Variants in RABGAP1L observed in about 807,000 individuals in gnomAD.
RABGAP1L encodes rab GTPase-activating protein 1-like.
Under a neutral mutation model 137.7 loss-of-function variants are expected in RABGAP1L, and 63 were observed. The observed-to-expected ratio is 0.46, with a 90% CI of 0.37 to 0.56. The LOEUF is 0.56. Among genes scored for constraint, RABGAP1L ranks in the 20% least tolerant of loss-of-function variants. RABGAP1L has a pLI of 0.00. For missense variants in RABGAP1L, 1,095 were observed against 1,244.0 expected, an observed-to-expected ratio of 0.88 and a Z score of 1.80; for synonymous variants, 431 against 433.7, an observed-to-expected ratio of 0.99 and a Z score of 0.08.
At chr1:174,710,805 A>G (rs1680426153) in intron 17 of RABGAP1L, among the ~76,000 whole-genome samples, 1 of 152,248 alleles carries the variant, frequency 6.6e-6, no homozygotes, top group African/African-American at 2.4e-5. Context: ...GACAGTATCA[A>G]ATTCACACAT....
intron 19 of RABGAP1L, among the ~76,000 whole-genome samples, chr1:174,878,257 G>A (rs1247334647): frequency 2.0e-5 from 3 of 151,952 alleles, no homozygotes; most frequent in South Asian, 2.1e-4. Context: ...ATGGAGTTTC[G>A]CTCCTATTGC....
intron 14 of RABGAP1L, among the ~76,000 whole-genome samples, chr1:174,663,373 G>C (rs1351957082): frequency 2.0e-5 from 3 of 152,144 alleles, no homozygotes; most frequent in African/African-American, 7.2e-5. Flanking sequence ...CTACTATTCA[G>C]TCCATAAGAC....
At chr1:174,958,179 T>C (rs927036345) in intron 20 of RABGAP1L, 2 of 1,416,798 alleles carry the variant, frequency 1.4e-6, no homozygotes, top group Non-Finnish European at 1.9e-6. Flanking sequence ...CAAAGGTATA[T>C]TGAGCACAGT....
chr1:174,494,031 C>CT (rs1459321167), intron 13 of RABGAP1L, among the ~76,000 whole-genome samples: 1 of 152,062 alleles, frequency 6.6e-6, no homozygotes, highest in Non-Finnish European at 1.5e-5. Context: ...TTTTTTCTGA[C>CT]TTTCCTTCTT....
intron 13 of RABGAP1L, among the ~76,000 whole-genome samples, chr1:174,571,233 A>C (rs1046626537): frequency 2.0e-5 from 3 of 152,152 alleles, no homozygotes; most frequent in Non-Finnish European, 4.4e-5. Context: ...AATTGAACTC[A>C]TAGAGAGAGA....
In RABGAP1L at chr1:174,854,734, T is replaced by C. The variant is rs1446595061; in HGVS notation, c.2340+42774T>C. ...TAAATGCTTTTTTTTTTTTTTTTTTTTTTTTTTTTTTTTTTTTTTTTTTTT... is the reference window on the plus strand; with the variant it reads ...TAAATGCTTTTTTTTTTTTTTTTTTCTTTTTTTTTTTTTTTTTTTTTTTTT... On this transcript the variant is annotated intron_variant, in intron 19 of 25. Coordinates refer to ENST00000681986, the MANE Select transcript of RABGAP1L (RefSeq NM_001366446.1). Among the ~76,000 whole-genome samples, 7 of 65,396 alleles carry C rather than the reference T, an allele frequency of 1.1e-4. No homozygotes were observed. In the South Asian group the frequency reaches 4.5e-3, roughly 42 times the overall value. The allele number at this position is 65,396 out of a possible 152,430, so 42.9% of individuals were successfully genotyped here.
At chr1:174,446,333 T>G (rs919138665) in intron 13 of RABGAP1L, among the ~76,000 whole-genome samples, 1 of 152,330 alleles carries the variant, frequency 6.6e-6, no homozygotes, top group Admixed American at 6.5e-5. Flanking sequence ...ATGGCTATTA[T>G]AAAAGAAGAA....
intron 13 of RABGAP1L, among the ~76,000 whole-genome samples, chr1:174,472,123 CTG>C (rs1397500686): frequency 2.8e-4 from 43 of 152,320 alleles, no homozygotes; most frequent in African/African-American, 9.9e-4. Context: ...GCTTCTAAAA[CTG>C]TGAGAAGTAA....
At chr1:174,224,971 G>C (rs1429984771) in intron 3 of RABGAP1L, among the ~76,000 whole-genome samples, 1 of 151,604 alleles carries the variant, frequency 6.6e-6, no homozygotes, top group Non-Finnish European at 1.5e-5. Flanking sequence ...TCTTGAATCT[G>C]TAAATTTATA....
At chr1:174,350,616 C>T (rs1162345908) in intron 11 of RABGAP1L, among the ~76,000 whole-genome samples, 10 of 70,834 alleles carry the variant, frequency 1.4e-4, no homozygotes, top group Non-Finnish European at 2.5e-4. Context: ...ACTGGGCAGC[C>T]AGGCAGAGGG....
rs74540782 is a variant in RABGAP1L at position 174,777,141 on chromosome 1, T to C, written c.2211+24787T>C. 9.4e-3 allele frequency among the ~76,000 whole-genome samples: 1,437 copies of C among 152,336 alleles called. 23 individuals carry two copies. Among genetic ancestry groups the C allele is most frequent in the African/African-American group, 0.033 (1,379 of 41,566 alleles). On this transcript the variant is annotated intron_variant, in intron 18 of 25. Transcript: ENST00000681986. ...ACGTTTTAAGTTTTTATTTTGGCAGTAAATCAATTCTGGTTACCTATCCCA... is the reference window on the plus strand; with the variant it reads ...ACGTTTTAAGTTTTTATTTTGGCAGCAAATCAATTCTGGTTACCTATCCCA...
chr1:174,231,007 A>G (rs1032107094), intron 3 of RABGAP1L, 138 bp from the exon 4 acceptor site: 2 of 605,734 alleles, frequency 3.3e-6, no homozygotes, highest in Non-Finnish European at 2.8e-6. Flanking sequence ...CTAAAATTTT[A>G]AAATATAAAA....
At position 174,327,653 on chromosome 1, in the gene RABGAP1L, A is replaced by G. The variant is rs138112756; in HGVS notation, c.1465+22526A>G. On this transcript the variant is annotated intron_variant, in intron 11 of 25. Coordinates refer to ENST00000681986, the MANE Select transcript of RABGAP1L (RefSeq NM_001366446.1). ...AGCATCAAGTCTTTACCTATTAATAATTAACTTGAGTGTAAATTGATTAAA... is the reference window on the plus strand; with the variant it reads ...AGCATCAAGTCTTTACCTATTAATAGTTAACTTGAGTGTAAATTGATTAAA... Among the ~76,000 whole-genome samples, 5 of 152,112 alleles carry G rather than the reference A, an allele frequency of 3.3e-5. No homozygotes were observed. In the East Asian group the frequency reaches 9.7e-4, roughly 29 times the overall value.
At chr1:174,205,403 A>G (rs184743775) in intron 1 of RABGAP1L, among the ~76,000 whole-genome samples, 21 of 151,932 alleles carry the variant, frequency 1.4e-4, no homozygotes, top group Admixed American at 1.4e-3. Flanking sequence ...TCAGCTGTGA[A>G]TCCATCAGGT....
chr1:174,806,841 A>C (rs1239012825), intron 18 of RABGAP1L, among the ~76,000 whole-genome samples: 1 of 152,230 alleles, frequency 6.6e-6, no homozygotes, highest in Non-Finnish European at 1.5e-5. Flanking sequence ...GCTGGAGTAC[A>C]GTGGTGCAAT....
rs74905386 is a variant in RABGAP1L, at chr1:174,880,273, A to G, written c.2340+68313A>G. 5.7e-3 allele frequency among the ~76,000 whole-genome samples: 875 copies of G among 152,244 alleles called. 8 individuals carry two copies. The highest frequency in any genetic ancestry group is 0.02 in the African/African-American group (833 of 41,552). ...AGGATAGGATAATCCACGGTTGTAG[A>G]TAATCTTTAAATTTTATTTTAGTCA... On this transcript the variant is annotated intron_variant, in intron 19 of 25. Coordinates refer to ENST00000681986, the MANE Select transcript of RABGAP1L (RefSeq NM_001366446.1).
intron 14 of RABGAP1L, among the ~76,000 whole-genome samples, chr1:174,676,495 GT>G (rs1261171488): frequency 6.6e-6 from 1 of 152,146 alleles, no homozygotes; most frequent in Non-Finnish European, 1.5e-5. Flanking sequence ...GCAAACTGAA[GT>G]TTTCCCTGGA....
intron 13 of RABGAP1L, among the ~76,000 whole-genome samples, chr1:174,537,479 G>A (rs900395812): frequency 6.6e-6 from 1 of 152,160 alleles, no homozygotes; most frequent in Non-Finnish European, 1.5e-5. Flanking sequence ...TGTGGATATT[G>A]GTAAAAGGTC....
intron 1 of RABGAP1L, among the ~76,000 whole-genome samples, chr1:174,195,057 C>T (rs1031765387): frequency 6.6e-6 from 1 of 151,980 alleles, no homozygotes; most frequent in Non-Finnish European, 1.5e-5. Context: ...TAATTATTTT[C>T]AGGAAGAGTA....
Sources: gnomAD v4.1 joint callset for allele counts (sites outside exome capture counted in the v4.1 genomes callset) on GRCh38, gnomAD v4.1.1 for gene constraint, MANE v1.5 for transcripts, NCBI Gene and HGNC (gene_info 2026-07-23, HGNC 2026-07-21) for gene names.